Variants in PLA2G4B observed in about 807,000 individuals in gnomAD.
The protein encoded by PLA2G4B is cytosolic phospholipase A2 beta.
A neutral mutation model predicts 95.8 loss-of-function variants in PLA2G4B; 122 were observed. The ratio of observed to expected loss-of-function variants is 1.27; its 90% CI spans 1.10 to 1.48. PLA2G4B has a LOEUF of 1.48. PLA2G4B is among the 40% of genes most tolerant of loss of function. PLA2G4B has a pLI of 0.00. For synonymous variants in PLA2G4B, 518 were observed against 421.5 expected (o/e 1.23, Z -2.80); for missense variants, 1,158 against 996.2 (o/e 1.16, Z -2.19).
intron 18 of PLA2G4B, 100 bp downstream of exon 18, chr15:41,846,935 G>C (rs2065566377): frequency 2.1e-6 from 3 of 1,415,372 alleles, no homozygotes; most frequent in South Asian, 1.5e-5. Flanking sequence ...CTTCCTTTAG[G>C]AGCTGTGATT....
rs565578659 is a variant in PLA2G4B at position 41,845,708 on chromosome 15, T to C, written c.1428T>C (p.Phe476=). ...KYGAFIPSEL[F]GSEFFMGQLM... Reference sequence around the variant, plus strand: ...GGGCCTTCATCCCCTCTGAGCTCTTTGGCTCCGAGTTCTTTATGGGGCAGC... The same window carrying C: ...GGGCCTTCATCCCCTCTGAGCTCTTCGGCTCCGAGTTCTTTATGGGGCAGC... The change falls in exon 15 of 20, where the codon TTT becomes TTC. Residue 476 remains phenylalanine, a synonymous_variant. Transcript: ENST00000458483. 1.1e-5 allele frequency: 18 copies of C among 1,613,226 alleles called. No individual in the cohort carries two copies. The highest frequency in any genetic ancestry group is 9.3e-5 in the African/African-American group (7 of 74,968).
intron 11 of PLA2G4B, 35 bp from the exon 12 acceptor site, chr15:41,844,436 A>G: frequency 6.2e-7 from 1 of 1,613,780 alleles, no homozygotes; most frequent in Non-Finnish European, 8.5e-7. Context: ...CCCCATCCCT[A>G]GGGCCTCTAC....
intron 11 of PLA2G4B, among the ~76,000 whole-genome samples, chr15:41,844,185 G>A (rs192369953): frequency 7.9e-5 from 12 of 152,348 alleles, no homozygotes; most frequent in African/African-American, 2.9e-4. Flanking sequence ...TCTGAGGCGG[G>A]CCCTGGGGCT....
Position 41,846,217 on chromosome 15 carries a change from C to A in PLA2G4B, c.1615C>A (p.Pro539Thr), listed in dbSNP as rs2065541008. Residue 539 changes from proline to threonine, a missense_variant, in exon 17 of 20, where the codon CCC (proline) becomes ACC (threonine). Pro to Thr is a conservative substitution (Grantham distance 38, BLOSUM62 -1). Coordinates refer to ENST00000458483, the MANE Select transcript of PLA2G4B (RefSeq NM_001114633.2). ...NQANLDKEQV[P>T]LLKIEEPPST... is the part of the protein sequence containing the mutation. The stretch of plus-strand genomic sequence containing the variant: ...TGCCTGTGTAGACAAGGAGCAGGTC[C>A]CCCTTCTGAAGATAGAAGAACCACC... 4 of 1,613,874 alleles carry A rather than the reference C, an allele frequency of 2.5e-6. No individual in the cohort carries two copies. Among genetic ancestry groups the A allele is most frequent in the Non-Finnish European group, 3.4e-6 (4 of 1,179,870 alleles).
intron 12 of PLA2G4B, 107 bp from the exon 13 acceptor site, chr15:41,844,741 C>T: frequency 6.5e-7 from 1 of 1,546,990 alleles, no homozygotes; most frequent in Non-Finnish European, 8.7e-7. Flanking sequence ...CAAGGGGACC[C>T]TGGGAAGGTC....
rs896852640 is a variant in PLA2G4B at position 41,844,584 on chromosome 15, C to G, written c.993C>G (p.Ile331Met). ...GCCTCTTGGATTGCGTCTCCTACATCACCGGGGCCTCGGGCTCCACCTGGT... is the reference window on the plus strand; with the variant it reads ...GCCTCTTGGATTGCGTCTCCTACATGACCGGGGCCTCGGGCTCCACCTGGT... ...ELGLLDCVSY[I>M]TGASGSTWAL... is the part of the protein sequence containing the mutation. Residue 331 changes from isoleucine (I) to methionine (M), a missense_variant, in exon 12 of 20, where the codon ATC (isoleucine) becomes ATG (methionine). Transcript: ENST00000458483. 6.2e-7 allele frequency: 1 copy of G among 1,614,182 alleles called. No individual in the cohort carries two copies. Among genetic ancestry groups the G allele is most frequent in the Non-Finnish European group, 8.5e-7 (1 of 1,180,018 alleles).
At position 41,844,524 on chromosome 15, in the gene PLA2G4B, C is replaced by T; in HGVS notation, c.933C>T (p.Ser311=). The T allele has an allele frequency of 6.2e-7, 1 of 1,614,130 alleles. No individual in the cohort carries two copies. The highest frequency in any genetic ancestry group is 8.5e-7 in the Non-Finnish European group (1 of 1,180,016). The change falls in exon 12 of 20, where the codon TCC becomes TCT. Residue 311 remains serine (S), a synonymous_variant. Transcript: ENST00000458483. ...ATGGGIRAMT[S]LYGQLAGLKE... ...GTGGTGGGATCCGGGCAATGACTTC[C>T]CTGTATGGGCAGCTGGCTGGCCTGA...
At chr15:41,842,756 T>A in intron 10 of PLA2G4B, 165 bp downstream of exon 10, 1 of 1,104,266 alleles carries the variant, frequency 9.1e-7, no homozygotes, top group Non-Finnish European at 1.3e-6. Flanking sequence ...CTGGGAGGAG[T>A]ACTGGGAGGA....
Position 41,843,785 on chromosome 15 carries a change from C to T in PLA2G4B, c.853C>T (p.Leu285=). 6.2e-7 allele frequency: 1 copy of T among 1,613,872 alleles called. No individual in the cohort carries two copies. The highest frequency in any genetic ancestry group is 8.5e-7 in the Non-Finnish European group (1 of 1,179,808). Residue 285 remains leucine, a synonymous_variant, in exon 11 of 20, where the codon CTG becomes TTG. Transcript: ENST00000458483. ...CGCGGCCTTGAGGCAGGCCCTGCAG[C>T]TGGACGGAGACCTGCAGGAGGATGA... ...VAAALRQALQ[L]DGDLQEDEIP...
chr15:41,847,678 G>A lies in PLA2G4B; in HGVS notation c.2164G>A (p.Ala722Thr), dbSNP rs907655418. Reference sequence around the variant, plus strand: ...CCGGCGGACACCCGAGGAGGCGGCAGCTGGGGAGGTGAACCTGTCTTCATC... The same window carrying A: ...CCGGCGGACACCCGAGGAGGCGGCAACTGGGGAGGTGAACCTGTCTTCATC... Reference protein sequence around the residue: ...GVRRTPEEAAAGEVNLSSSDS... With the variant: ...GVRRTPEEAATGEVNLSSSDS... The change falls in exon 20 of 20, where the codon GCT becomes ACT. Residue 722 changes from alanine to threonine, a missense_variant. By Grantham distance (58) the Ala-to-Thr change is moderately conservative. Transcript: ENST00000458483. 5 of 1,613,548 alleles carry A rather than the reference G, an allele frequency of 3.1e-6. No individual in the cohort carries two copies. In the African/African-American group the frequency reaches 5.3e-5, roughly 17 times the overall value.
chr15:41,842,668 TGAGG>T, intron 10 of PLA2G4B, 77 bp downstream of exon 10: 2 of 1,568,692 alleles, frequency 1.3e-6, no homozygotes, highest in Non-Finnish European at 1.7e-6. Context: ...CCTGGAGGAG[TGAGG>T]GGGAGAAACA....
rs756513830 is a variant in PLA2G4B at position 41,841,805 on chromosome 15, G to A, written c.491-14G>A. 2 of 1,612,798 alleles carry A rather than the reference G, an allele frequency of 1.2e-6. No homozygotes were observed. Among genetic ancestry groups the A allele is most frequent in the Non-Finnish European group, 1.7e-6 (2 of 1,179,522 alleles). ...TACCGTCCCCAGCCTCTCTGCTCTG[G>A]TTCCTGTTTCCAGCCTCAGAGCACA... On this transcript the variant is annotated splice_polypyrimidine_tract_variant and intron_variant, in intron 7 of 19. Coordinates refer to ENST00000458483, the MANE Select transcript of PLA2G4B (RefSeq NM_001114633.2).
intron 8 of PLA2G4B, 104 bp from the exon 9 acceptor site, chr15:41,842,089 C>G: frequency 6.4e-7 from 1 of 1,570,156 alleles, no homozygotes; most frequent in East Asian, 2.3e-5. Context: ...CCTCCCCTTC[C>G]CGTCCCTCCC....
chr15:41,840,273 G>T, intron 2 of PLA2G4B, 43 bp downstream of exon 2: 1 of 1,590,034 alleles, frequency 6.3e-7, no homozygotes, highest in African/African-American at 1.3e-5. Context: ...GCTGAGGGAG[G>T]AGGAGGGTGC....
At chr15:41,844,039 G>C (rs1301205248) in intron 11 of PLA2G4B, among the ~76,000 whole-genome samples, 1 of 152,214 alleles carries the variant, frequency 6.6e-6, no homozygotes, top group Non-Finnish European at 1.5e-5. Context: ...TTCCTACTCT[G>C]TTTCTTGGTT....
rs144278901 is a variant in PLA2G4B, at chr15:41,842,890, G to A, written c.743+299G>A. The A allele has an allele frequency of 2.7e-5, 11 of 404,334 alleles. No individual in the cohort carries two copies. In the East Asian group the frequency reaches 5.6e-4, roughly 21 times the overall value. 25.0% of individuals were successfully genotyped at this position (404,334 alleles called of 1,614,324 possible). A position where few individuals can be genotyped will look rare whatever the true frequency, so the allele number is the denominator to read the frequency against. The stretch of plus-strand genomic sequence containing the variant: ...GGATGGAAAATGGTAACATGGTTTG[G>A]GGCGCAGAGAGGGCAGGAAAACCAA... On this transcript the variant is annotated intron_variant, in intron 10 of 19. Coordinates refer to ENST00000458483, the MANE Select transcript of PLA2G4B (RefSeq NM_001114633.2).
chr15:41,842,070 C>A, intron 8 of PLA2G4B, 121 bp downstream of exon 8: 1 of 1,558,606 alleles, frequency 6.4e-7, no homozygotes, highest in South Asian at 1.2e-5. Context: ...ATGTGTGGGC[C>A]CATGCTGGCC....
rs764918358 is a variant in PLA2G4B at position 41,840,851 on chromosome 15, G to A, written c.297G>A (p.Ala99=). The change falls in exon 4 of 20, where the codon GCG becomes GCA. Residue 99 remains alanine, a synonymous_variant. Coordinates refer to ENST00000458483, the MANE Select transcript of PLA2G4B (RefSeq NM_001114633.2). ...DDPVLSVLFD[A]GTLRAGEFRR... The stretch of plus-strand genomic sequence containing the variant: ...CTGTGTTGTCAGTACTGTTTGATGC[G>A]GGGACTCTGCGGGCTGGGGAGTTCC... 48 of 1,613,890 alleles carry A rather than the reference G, an allele frequency of 3.0e-5. No individual in the cohort carries two copies. Among genetic ancestry groups the A allele is most frequent in the African/African-American group, 6.7e-5 (5 of 74,914 alleles).
In PLA2G4B at chr15:41,843,669, CG is replaced by C; in HGVS notation, c.744-5del. The C allele has an allele frequency of 6.2e-7, 1 of 1,612,636 alleles. No individual in the cohort carries two copies. Among genetic ancestry groups the C allele is most frequent in the Non-Finnish European group, 8.5e-7 (1 of 1,179,160 alleles). Reference sequence around the variant, plus strand: ...GCTGTCTCACAGTCTCTTCCTTCCCCGGCCAGACTGAGGGAGCTGGCCGTGC... The same window carrying C: ...GCTGTCTCACAGTCTCTTCCTTCCCCGCCAGACTGAGGGAGCTGGCCGTGC... On this transcript the variant is annotated splice_region_variant and splice_polypyrimidine_tract_variant and intron_variant, in intron 10 of 19. Coordinates refer to ENST00000458483, the MANE Select transcript of PLA2G4B (RefSeq NM_001114633.2).
Sources: gnomAD v4.1 joint callset for allele counts (sites outside exome capture counted in the v4.1 genomes callset) on GRCh38, gnomAD v4.1.1 for gene constraint, MANE v1.5 for transcripts, NCBI Gene and HGNC (gene_info 2026-07-23, HGNC 2026-07-21) for gene names.